The following ATF2 variants were observed in gnomAD, a reference collection of about 807,000 sequenced individuals.
ATF2 encodes cyclic AMP-dependent transcription factor ATF-2.
In ATF2, 24 loss-of-function variants were observed where a neutral mutation model predicts 60.6. That is an observed-to-expected ratio of 0.40 (90% CI 0.29 to 0.56). The LOEUF is 0.56. Among genes scored for constraint, ATF2 ranks in the 20% least tolerant of loss-of-function variants. The pLI, the probability that ATF2 is intolerant of heterozygous loss-of-function variation, is 0.54. For synonymous variants in ATF2, 206 were observed against 215.4 expected, an observed-to-expected ratio of 0.96 and a Z score of 0.38; for missense variants, 433 against 607.7, an observed-to-expected ratio of 0.71 and a Z score of 3.02.
intron 10 of ATF2, among the ~76,000 whole-genome samples, chr2:175,111,025 G>A (rs1451335456): frequency 1.3e-5 from 2 of 152,162 alleles, no homozygotes; most frequent in Non-Finnish European, 2.9e-5. Context: ...TTTTACAGAT[G>A]AGGAAATGCA....
chr2:175,092,624 TAAAAC>T (rs1694629601), intron 12 of ATF2: 1 of 445,328 alleles, frequency 2.2e-6, no homozygotes. Flanking sequence ...TCACTTTAAA[TAAAAC>T]AAAACAGAAC....
At chr2:175,136,171 T>A (rs1164150163) in intron 3 of ATF2, among the ~76,000 whole-genome samples, 1 of 152,110 alleles carries the variant, frequency 6.6e-6, no homozygotes, top group Non-Finnish European at 1.5e-5. Flanking sequence ...AGAACTCATT[T>A]TAGAGGAAAT....
chr2:175,076,796 A>G (rs1230631895), intron 13 of ATF2, among the ~76,000 whole-genome samples: 11 of 146,936 alleles, frequency 7.5e-5, no homozygotes, highest in Non-Finnish European at 1.7e-4. Flanking sequence ...TTTTATTTTT[A>G]TCACTTTTTA....
chr2:175,139,780 T>C (rs1251350192), intron 2 of ATF2, among the ~76,000 whole-genome samples: 2 of 152,166 alleles, frequency 1.3e-5, no homozygotes, highest in East Asian at 1.9e-4. Flanking sequence ...CCAGTAAATT[T>C]GGGTAACCTA....
chr2:175,129,993 C>A, intron 4 of ATF2, 145 bp downstream of exon 4: 2 of 592,434 alleles, frequency 3.4e-6, no homozygotes, highest in Admixed American at 4.0e-5. Flanking sequence ...AATTTCTTGC[C>A]AAAAGTTTCC....
At chr2:175,089,515 TTAA>T (rs1349701434) in intron 12 of ATF2, among the ~76,000 whole-genome samples, 1 of 152,184 alleles carries the variant, frequency 6.6e-6, no homozygotes, top group African/African-American at 2.4e-5. Flanking sequence ...ACAGAATTGA[TTAA>T]TGTTTTCACA....
At chr2:175,092,570 A>C (rs1243994000) in intron 12 of ATF2, 6 of 451,442 alleles carry the variant, frequency 1.3e-5, no homozygotes, top group Non-Finnish European at 2.3e-5. Context: ...AGAGTCCTTC[A>C]GTTTCCAAAG....
chr2:175,139,628 G>A (rs534162180), intron 2 of ATF2, among the ~76,000 whole-genome samples: 32 of 149,342 alleles, frequency 2.1e-4, no homozygotes, highest in Admixed American at 7.4e-4. Flanking sequence ...AGCTGAGATC[G>A]TGCCACTGTG....
At chr2:175,112,346 T>C (rs1355730948) in intron 9 of ATF2, among the ~76,000 whole-genome samples, 3 of 151,964 alleles carry the variant, frequency 2.0e-5, no homozygotes, top group African/African-American at 7.3e-5. Flanking sequence ...ACCTTATATC[T>C]GAGTCCTTAC....
intron 1 of ATF2, among the ~76,000 whole-genome samples, chr2:175,164,141 C>A (rs1700207448): frequency 6.7e-6 from 1 of 149,144 alleles, no homozygotes; most frequent in African/African-American, 2.4e-5. Context: ...TCAAGGTTGT[C>A]AAAAAGTCTC....
chr2:175,119,290 G>A (rs569144745), intron 5 of ATF2, among the ~76,000 whole-genome samples: 23 of 151,488 alleles, frequency 1.5e-4, no homozygotes, highest in Non-Finnish European at 3.0e-4. Context: ...ATATTTTAGA[G>A]CACCAATTTT....
intron 1 of ATF2, among the ~76,000 whole-genome samples, chr2:175,166,324 AT>A (rs1239552367): frequency 6.6e-6 from 1 of 152,218 alleles, no homozygotes; most frequent in African/African-American, 2.4e-5. Context: ...ATCATGGTAA[AT>A]TTGGAAGATT....
chr2:175,084,533 T>C (rs1183647547), intron 12 of ATF2, among the ~76,000 whole-genome samples: 2 of 145,408 alleles, frequency 1.4e-5, no homozygotes, highest in African/African-American at 5.1e-5. Context: ...TTAGGAGATA[T>C]ACCTAATGCT....
chr2:175,074,236 G>C lies in ATF2; in HGVS notation c.*373C>G, dbSNP rs1693122192. 2 of 171,036 alleles carry C rather than the reference G, an allele frequency of 1.2e-5. No homozygotes were observed. The highest frequency in any genetic ancestry group is 4.8e-5 in the African/African-American group (2 of 41,530). 10.6% of individuals were successfully genotyped at this position (171,036 alleles called of 1,614,324 possible). ...ATAATACTACTACCGTCACAGTTGAGGGTTAAGGGGTGGTCAAAAGAAATG... is the reference window on the plus strand; with the variant it reads ...ATAATACTACTACCGTCACAGTTGACGGTTAAGGGGTGGTCAAAAGAAATG... On this transcript the variant is annotated 3_prime_UTR_variant, in exon 14 of 14. Coordinates refer to ENST00000264110, the MANE Select transcript of ATF2 (RefSeq NM_001880.4).
intron 12 of ATF2, chr2:175,092,453 T>C: frequency 5.6e-6 from 1 of 179,666 alleles, no homozygotes. Flanking sequence ...GCCTTAAAAC[T>C]TTATACTCCA....
chr2:175,131,506 T>C (rs62184511), intron 3 of ATF2, among the ~76,000 whole-genome samples: 6,025 of 152,246 alleles, frequency 0.04, 140 homozygotes, highest in Admixed American at 0.094. Flanking sequence ...GACAAGCCAT[T>C]TTCTTGTACC....
At chr2:175,130,791 C>T (rs1469919026) in intron 3 of ATF2, among the ~76,000 whole-genome samples, 1 of 152,154 alleles carries the variant, frequency 6.6e-6, no homozygotes, top group African/African-American at 2.4e-5. Flanking sequence ...GGGAATCTCT[C>T]CTCCCAGTAA....
At chr2:175,090,393 T>C (rs1226026065) in intron 12 of ATF2, among the ~76,000 whole-genome samples, 6 of 152,186 alleles carry the variant, frequency 3.9e-5, no homozygotes, top group South Asian at 2.1e-4. Flanking sequence ...TGTCTATCCA[T>C]TCATCTTGGA....
chr2:175,108,878 T>A (rs1187915163), intron 10 of ATF2, among the ~76,000 whole-genome samples: 1 of 152,140 alleles, frequency 6.6e-6, no homozygotes, highest in Non-Finnish European at 1.5e-5. Context: ...TTACCCCCAA[T>A]CATGTGCTCT....
Sources: allele counts gnomAD v4.1 joint callset (sites outside exome capture counted in the v4.1 genomes callset), GRCh38; gene constraint gnomAD v4.1.1; transcripts MANE v1.5; gene names NCBI Gene and HGNC (gene_info 2026-07-23, HGNC 2026-07-21).